The following MAP3K15 variants were observed in gnomAD, a reference collection of about 807,000 sequenced individuals.
The protein encoded by MAP3K15 is mitogen-activated protein kinase kinase kinase 15.
MAP3K15 carries 124 observed loss-of-function variants against 99.5 expected under a neutral mutation model. The observed-to-expected ratio is 1.25, with a 90% CI of 1.08 to 1.45. MAP3K15 has a LOEUF of 1.45. Among genes scored for constraint, MAP3K15 ranks in the 40% most tolerant of loss-of-function variants. The pLI is 0.00. For synonymous variants in MAP3K15, 494 were observed against 439.6 expected (o/e 1.12, Z -1.55); for missense variants, 1,242 against 1,079.7 (o/e 1.15, Z -2.11).
intron 11 of MAP3K15, among the ~76,000 whole-genome samples, chrX:19,410,994 G>C: frequency 9.0e-6 from 1 of 110,739 alleles, no homozygotes; most frequent in East Asian, 2.8e-4. Flanking sequence ...GATCAGCCTG[G>C]CCAACATGCT....
intron 7 of MAP3K15, among the ~76,000 whole-genome samples, chrX:19,426,892 T>G (rs984783063): frequency 3.7e-5 from 4 of 109,014 alleles, no homozygotes; most frequent in African/African-American, 1.3e-4. Context: ...TAATTTTTTT[T>G]TGCTCATAGG....
chrX:19,482,179 C>CAAAAAA (rs34191166), intron 3 of MAP3K15: 2 of 31,474 alleles, frequency 6.4e-5, no homozygotes, highest in African/African-American at 2.1e-4. Flanking sequence ...GATTCCAGCT[C>CAAAAAA]AAAAAAAAAA....
chrX:19,371,630 G>T, intron 22 of MAP3K15, 100 bp from the exon 23 acceptor site: 2 of 794,092 alleles, frequency 2.5e-6, no homozygotes, highest in Non-Finnish European at 3.6e-6. Flanking sequence ...TAAGAAACTT[G>T]TGGAACTCCC....
At chrX:19,366,792 T>C (rs1327655289) in intron 25 of MAP3K15, among the ~76,000 whole-genome samples, 1 of 112,223 alleles carries the variant, frequency 8.9e-6, no homozygotes, top group Non-Finnish European at 1.9e-5. Flanking sequence ...AAGCACCTTA[T>C]GCAGGAATGT....
intron 12 of MAP3K15, 28 bp downstream of exon 12, chrX:19,409,896 G>C (rs774600180): frequency 1.8e-6 from 2 of 1,103,918 alleles, no homozygotes; most frequent in South Asian, 3.9e-5. Context: ...CATTAAAATA[G>C]TAACTCCATT....
At chrX:19,445,427 C>T (rs2063988698) in intron 6 of MAP3K15, among the ~76,000 whole-genome samples, 2 of 107,058 alleles carry the variant, frequency 1.9e-5, no homozygotes, top group Non-Finnish European at 1.9e-5. Context: ...CTCGTCACTA[C>T]TAAAAGTAGA....
chrX:19,458,531 T>G (rs2064110567), intron 5 of MAP3K15, among the ~76,000 whole-genome samples: 1 of 110,928 alleles, frequency 9.0e-6, no homozygotes, highest in Non-Finnish European at 1.9e-5. Context: ...ATTAAAAAAG[T>G]TAGCCAGGCA....
chrX:19,431,406 G>C (rs368481161), intron 7 of MAP3K15, 32 bp downstream of exon 7: 2 of 1,183,228 alleles, frequency 1.7e-6, no homozygotes, highest in South Asian at 1.8e-5. Flanking sequence ...TTGAAGAGAT[G>C]CAAGTGCTCA....
intron 6 of MAP3K15, among the ~76,000 whole-genome samples, chrX:19,446,771 G>C (rs1178314266): frequency 9.0e-6 from 1 of 111,202 alleles, no homozygotes; most frequent in Non-Finnish European, 1.9e-5. Flanking sequence ...GGCATCGGGT[G>C]AACTTGTAAT....
chrX:19,505,481 C>T lies in MAP3K15; in HGVS notation c.361+9420G>A, dbSNP rs1164710833. On this transcript the variant is annotated intron_variant, in intron 1 of 28. Transcript: ENST00000338883. Reference sequence around the variant, plus strand: ...GGATATTCCTCCTCTGCCAGCTGTCCTCCAAACAGTAACTCAGGGAGTCAG... The same window carrying T: ...GGATATTCCTCCTCTGCCAGCTGTCTTCCAAACAGTAACTCAGGGAGTCAG... Among the ~76,000 whole-genome samples the T allele has an allele frequency of 2.7e-5, 3 of 111,883 alleles. No individual in the cohort carries two copies. In the Admixed American group the frequency reaches 2.9e-4, roughly 11 times the overall value.
chrX:19,361,246 G>C, intron 28 of MAP3K15, 93 bp downstream of exon 28: 1 of 733,245 alleles, frequency 1.4e-6, no homozygotes, highest in Non-Finnish European at 2.0e-6. Context: ...TCCAGAGTTT[G>C]GGGGGAGGCC....
intron 3 of MAP3K15, among the ~76,000 whole-genome samples, chrX:19,484,025 C>A (rs1254068965): frequency 9.0e-6 from 1 of 111,555 alleles, no homozygotes; most frequent in Non-Finnish European, 1.9e-5. Flanking sequence ...TCACATCTTG[C>A]CAAGCATGAC....
At chrX:19,392,543 G>C in intron 16 of MAP3K15, 70 bp from the exon 17 acceptor site, 2 of 1,102,677 alleles carry the variant, frequency 1.8e-6, no homozygotes, top group Non-Finnish European at 2.5e-6. Context: ...GAAATAAAGT[G>C]AGGTGAGGTT....
At chrX:19,416,680 A>C (rs1247906702) in intron 9 of MAP3K15, among the ~76,000 whole-genome samples, 1 of 112,480 alleles carries the variant, frequency 8.9e-6, no homozygotes, top group Non-Finnish European at 1.9e-5. Context: ...GGAGAAACAG[A>C]AAAGGAAATT....
At chrX:19,425,351 G>C (rs1306637857) in intron 9 of MAP3K15, among the ~76,000 whole-genome samples, 180 bp downstream of exon 9, 1 of 111,933 alleles carries the variant, frequency 8.9e-6, no homozygotes, top group East Asian at 2.8e-4. Context: ...GATATATTCT[G>C]TGTGGATCTG....
intron 1 of MAP3K15, among the ~76,000 whole-genome samples, chrX:19,504,748 G>A (rs1228625559): frequency 9.0e-6 from 1 of 111,046 alleles, no homozygotes. Context: ...TGGATCGCTT[G>A]AGCCCAGGAG....
chrX:19,427,863 C>T (rs777024649), intron 7 of MAP3K15, among the ~76,000 whole-genome samples: 2 of 109,953 alleles, frequency 1.8e-5, no homozygotes, highest in South Asian at 4.1e-4. Flanking sequence ...ATACAAATAC[C>T]CTCAGATCAG....
chrX:19,381,762 GTT>G (rs1347808383), intron 18 of MAP3K15, among the ~76,000 whole-genome samples: 3 of 111,920 alleles, frequency 2.7e-5, no homozygotes, highest in African/African-American at 9.7e-5. Context: ...AACATCCTTC[GTT>G]TTCCTTGAAA....
Position 19,515,319 on chromosome X carries a change from A to G in MAP3K15, c.-58T>C. On this transcript the variant is annotated 5_prime_UTR_variant, in exon 1 of 29. Coordinates refer to ENST00000338883, the MANE Select transcript of MAP3K15 (RefSeq NM_001001671.4). ...TGGCCAGCGGCTGCGATCCGCTAGG[A>G]GGCACAAGTTACAGCAGCCGCGCAG... The G allele has an allele frequency of 2.6e-6, 2 of 763,735 alleles. No homozygotes were observed. Among genetic ancestry groups the G allele is most frequent in the Non-Finnish European group, 3.2e-6 (2 of 627,369 alleles). 62.9% of individuals were successfully genotyped at this position (763,735 alleles called of 1,213,427 possible). A position where few individuals can be genotyped will look rare whatever the true frequency, so the allele number is the denominator to read the frequency against.
Sources: allele counts gnomAD v4.1 joint callset (sites outside exome capture counted in the v4.1 genomes callset), GRCh38; gene constraint gnomAD v4.1.1; transcripts MANE v1.5; gene names NCBI Gene and HGNC (gene_info 2026-07-23, HGNC 2026-07-21).